The following PLCB1 variants were observed in gnomAD, a reference collection of about 807,000 sequenced individuals.
PLCB1 encodes 1-phosphatidylinositol 4,5-bisphosphate phosphodiesterase beta-1.
PLCB1 carries 46 observed loss-of-function variants against 161.8 expected under a neutral mutation model. The ratio of observed to expected loss-of-function variants is 0.28; its 90% CI spans 0.22 to 0.36. The LOEUF is 0.36. Among genes scored for constraint, PLCB1 ranks in the 10% least tolerant of loss-of-function variants. PLCB1 has a pLI of 1.00. For synonymous variants in PLCB1, 517 were observed against 503.7 expected (o/e 1.03, Z -0.35); for missense variants, 1,016 against 1,472.5 (o/e 0.69, Z 5.07).
chr20:8,570,451 A>G (rs1354403741), intron 3 of PLCB1, among the ~76,000 whole-genome samples: 1 of 152,240 alleles, frequency 6.6e-6, no homozygotes, highest in Non-Finnish European at 1.5e-5. Context: ...AAAGATACAT[A>G]TATACGAACA....
chr20:8,336,620 A>G (rs1282414686), intron 2 of PLCB1, among the ~76,000 whole-genome samples: 1 of 152,200 alleles, frequency 6.6e-6, no homozygotes, highest in African/African-American at 2.4e-5. Flanking sequence ...AGGTGATCGT[A>G]GTCCTAGGAC....
At chr20:8,623,505 A>G (rs945701546) in intron 3 of PLCB1, among the ~76,000 whole-genome samples, 27 of 152,328 alleles carry the variant, frequency 1.8e-4, no homozygotes, top group African/African-American at 6.0e-4. Context: ...CCCAAAACAA[A>G]TATGAATACT....
Position 8,881,770 on chromosome 20 carries a change from GA to G in PLCB1, c.3576del (p.Val1193Ter). On this transcript the variant is annotated frameshift_variant, in exon 32 of 32. Transcript: ENST00000338037. LOFTEE classifies it high-confidence loss of function. ...CCTCTCTCCCTGTCCTCAGACCCTG[GA>G]AAAGTGAACCACAAGACTCCCTCCA... ...SAPLSLSSDPGKVNHKTPSSE... is the reference protein window; with the variant it reads ...SAPLSLSSDPXKVNHKTPSSE... The G allele has an allele frequency of 1.2e-6, 2 of 1,614,092 alleles. No homozygotes were observed. Among genetic ancestry groups the G allele is most frequent in the Non-Finnish European group, 1.7e-6 (2 of 1,179,986 alleles).
chr20:8,591,680 C>T (rs947702022), intron 3 of PLCB1, among the ~76,000 whole-genome samples: 3 of 152,166 alleles, frequency 2.0e-5, no homozygotes, highest in Non-Finnish European at 2.9e-5. Flanking sequence ...GTAGGGGCCA[C>T]GTGGGAATTT....
At chr20:8,321,543 G>T (rs1984920312) in intron 2 of PLCB1, among the ~76,000 whole-genome samples, 1 of 152,148 alleles carries the variant, frequency 6.6e-6, no homozygotes, top group African/African-American at 2.4e-5. Flanking sequence ...GTCCTGGGAT[G>T]GGAACAGTAG....
chr20:8,765,837 G>A (rs1198828567), intron 26 of PLCB1, among the ~76,000 whole-genome samples: 1 of 152,026 alleles, frequency 6.6e-6, no homozygotes, highest in Non-Finnish European at 1.5e-5. Flanking sequence ...ACGCCACTAC[G>A]CCTGGCGAAT....
At chr20:8,222,310 G>A (rs1381246262) in intron 2 of PLCB1, among the ~76,000 whole-genome samples, 1 of 151,990 alleles carries the variant, frequency 6.6e-6, no homozygotes, top group African/African-American at 2.4e-5. Flanking sequence ...ATTTTATTCT[G>A]TTTAAAAATG....
chr20:8,741,581 G>A lies in PLCB1; in HGVS notation c.2523+8G>A. On this transcript the variant is annotated splice_region_variant and intron_variant, in intron 23 of 31. Transcript: ENST00000338037. ...GAAGAAGTAAAGAAAGAGGTGAGAG[G>A]GTGTTTTAATTTTACATATAGCATT... 6.3e-7 allele frequency: 1 copy of A among 1,588,080 alleles called. No homozygotes were observed. The highest frequency in any genetic ancestry group is 1.1e-5 in the South Asian group (1 of 90,220).
At position 8,453,647 on chromosome 20, in the gene PLCB1, T is replaced by C. The variant is rs1981171046; in HGVS notation, c.246+82197T>C. 3.3e-5 allele frequency among the ~76,000 whole-genome samples: 5 copies of C among 152,104 alleles called. No homozygotes were observed. In the South Asian group the frequency reaches 1.0e-3, roughly 32 times the overall value. On this transcript the variant is annotated intron_variant, in intron 3 of 31. Transcript: ENST00000338037. Reference sequence around the variant, plus strand: ...AGAAAGAGTTTGGTGGCTGGAAGAATAGCAAAGGGTAAGGGGAGAGAGAGA... The same window carrying C: ...AGAAAGAGTTTGGTGGCTGGAAGAACAGCAAAGGGTAAGGGGAGAGAGAGA...
intron 31 of PLCB1, among the ~76,000 whole-genome samples, chr20:8,878,956 G>A (rs922244591): frequency 4.6e-5 from 7 of 151,718 alleles, no homozygotes; most frequent in Non-Finnish European, 7.4e-5. Flanking sequence ...GCTTGCCCCC[G>A]ACTCCCTCCC....
At chr20:8,368,084 C>T (rs909620637) in intron 2 of PLCB1, among the ~76,000 whole-genome samples, 2 of 152,154 alleles carry the variant, frequency 1.3e-5, no homozygotes, top group African/African-American at 4.8e-5. Flanking sequence ...AAGTGGAATA[C>T]AGAGTTCATT....
intron 3 of PLCB1, among the ~76,000 whole-genome samples, chr20:8,610,526 G>C (rs1421882720): frequency 1.3e-5 from 2 of 152,026 alleles, no homozygotes; most frequent in African/African-American, 4.8e-5. Flanking sequence ...GTCATATGAT[G>C]GCTGTGTTTA....
At chr20:8,605,306 C>T (rs923327509) in intron 3 of PLCB1, among the ~76,000 whole-genome samples, 5 of 151,890 alleles carry the variant, frequency 3.3e-5, no homozygotes, top group East Asian at 3.9e-4. Flanking sequence ...TTTTTCTTAA[C>T]GAGAAATATT....
chr20:8,841,931 A>G (rs1278043433), intron 31 of PLCB1, among the ~76,000 whole-genome samples: 2 of 152,170 alleles, frequency 1.3e-5, no homozygotes, highest in African/African-American at 4.8e-5. Context: ...TAGTTATGTG[A>G]TGTGTTCTCT....
At chr20:8,637,621 A>C (rs926776104) in intron 4 of PLCB1, among the ~76,000 whole-genome samples, 1 of 152,240 alleles carries the variant, frequency 6.6e-6, no homozygotes, top group Non-Finnish European at 1.5e-5. Flanking sequence ...TAAAACATGT[A>C]AGATTTTCAA....
chr20:8,670,639 TACTG>T (rs971535371), intron 9 of PLCB1, among the ~76,000 whole-genome samples: 56 of 152,286 alleles, frequency 3.7e-4, no homozygotes, highest in African/African-American at 1.3e-3. Flanking sequence ...GTGCAGAACA[TACTG>T]ACTCCAGATT....
At chr20:8,530,649 G>C (rs1568495473) in intron 3 of PLCB1, among the ~76,000 whole-genome samples, 1 of 152,026 alleles carries the variant, frequency 6.6e-6, no homozygotes, top group Non-Finnish European at 1.5e-5. Flanking sequence ...ACTTCGACAT[G>C]TATATTCTCC....
chr20:8,282,321 TTTATTACC>T (rs1982911514), intron 2 of PLCB1, among the ~76,000 whole-genome samples: 1 of 152,198 alleles, frequency 6.6e-6, no homozygotes, highest in Non-Finnish European at 1.5e-5. Context: ...ATTCTTGACT[TTTATTACC>T]TCATTGGAGG....
intron 23 of PLCB1, among the ~76,000 whole-genome samples, chr20:8,743,849 G>T (rs894904846): frequency 2.0e-5 from 3 of 152,036 alleles, no homozygotes; most frequent in African/African-American, 7.2e-5. Context: ...AAGAAAGACT[G>T]TTCTATGAGT....
Sources: gnomAD v4.1 joint callset for allele counts (sites outside exome capture counted in the v4.1 genomes callset) on GRCh38, gnomAD v4.1.1 for gene constraint, MANE v1.5 for transcripts, NCBI Gene and HGNC (gene_info 2026-07-23, HGNC 2026-07-21) for gene names.